Variants in HSPA12A observed in about 807,000 individuals in gnomAD.
HSPA12A encodes heat shock 70 kDa protein 12A.
A neutral mutation model predicts 69.2 loss-of-function variants in HSPA12A; 28 were observed. The ratio of observed to expected loss-of-function variants is 0.40; its 90% CI spans 0.30 to 0.55. The LOEUF is 0.55. Ranked by LOEUF, HSPA12A falls within the 20% of genes least tolerant of loss-of-function variation. The pLI is 0.38. For synonymous variants in HSPA12A, 345 were observed against 370.5 expected (o/e 0.93, Z 0.79); for missense variants, 686 against 900.7 (o/e 0.76, Z 3.05).
At chr10:116,818,968 C>T (rs932907737) in intron 2 of HSPA12A, among the ~76,000 whole-genome samples, 8 of 152,082 alleles carry the variant, frequency 5.3e-5, no homozygotes, top group Admixed American at 5.2e-4. Context: ...CCTTTGCAGC[C>T]CCTGTCACTC....
upstream of HSPA12A, among the ~76,000 whole-genome samples, chr10:116,746,730 TA>T (rs1381078533): frequency 3.3e-5 from 5 of 152,266 alleles, no homozygotes; most frequent in Non-Finnish European, 5.9e-5. Context: ...CATTTCCTTG[TA>T]TATTATAAAT....
At chr10:116,678,713 T>C (rs924855639) in intron 10 of HSPA12A, among the ~76,000 whole-genome samples, 3 of 152,158 alleles carry the variant, frequency 2.0e-5, no homozygotes, top group African/African-American at 7.2e-5. Flanking sequence ...TTGTCTCCTT[T>C]AGAGGTACAT....
At position 116,701,279 on chromosome 10, in the gene HSPA12A, C is replaced by T. The variant is rs1589642012; in HGVS notation, c.255-150G>A. On this transcript the variant is annotated intron_variant, in intron 3 of 11. Transcript: ENST00000369209. ...CAGCTGGATGAGCAGCTACTAGAGACACAACTTCAGTTAAAAAGGAGATGA... is the reference window on the plus strand; with the variant it reads ...CAGCTGGATGAGCAGCTACTAGAGATACAACTTCAGTTAAAAAGGAGATGA... 9 of 686,806 alleles carry T rather than the reference C, an allele frequency of 1.3e-5. No homozygotes were observed. In the East Asian group the frequency reaches 2.4e-4, roughly 19 times the overall value. 42.5% of individuals were successfully genotyped at this position (686,806 alleles called of 1,614,324 possible). A position where few individuals can be genotyped will look rare whatever the true frequency, so the allele number is the denominator to read the frequency against.
intron 2 of HSPA12A, among the ~76,000 whole-genome samples, chr10:116,754,373 G>T (rs574566392): frequency 3.3e-5 from 5 of 152,250 alleles, no homozygotes; most frequent in African/African-American, 1.2e-4. Context: ...TATTTTCTAC[G>T]TTTCCTATTT....
At chr10:116,701,288 A>G (rs1850070893) in intron 3 of HSPA12A, among the ~76,000 whole-genome samples, 159 bp from the exon 4 acceptor site, 1 of 152,244 alleles carries the variant, frequency 6.6e-6, no homozygotes, top group African/African-American at 2.4e-5. Context: ...ACACAACTTC[A>G]GTTAAAAAGG....
chr10:116,677,025 G>A (rs1554877832), intron 10 of HSPA12A, among the ~76,000 whole-genome samples: 1 of 152,164 alleles, frequency 6.6e-6, no homozygotes, highest in African/African-American at 2.4e-5. Context: ...AGTCCTGGAC[G>A]GGAATCCAGG....
At chr10:116,829,097 T>C (rs1845563699) in intron 2 of HSPA12A, 1 of 152,194 alleles carries the variant, frequency 6.6e-6, no homozygotes. Context: ...TGAATTGTAA[T>C]AACCCCCACG....
Position 116,683,841 on chromosome 10 carries a change from G to A in HSPA12A, c.785C>T (p.Ala262Val). The A allele has an allele frequency of 6.3e-7, 1 of 1,594,894 alleles. No homozygotes were observed. Among genetic ancestry groups the A allele is most frequent in the Non-Finnish European group, 8.6e-7 (1 of 1,164,918 alleles). Residue 262 changes from alanine (A) to valine (V), a missense_variant, in exon 7 of 12, where the codon GCC becomes GTC. Coordinates refer to ENST00000369209, the MANE Select transcript of HSPA12A (RefSeq NM_025015.3). ...GTCACTGCCGCTGTACCCATTGACG[G>A]CTGCCTTGCTGCTCAGCTCAATCAT... ...HQMIELSSKA[A>V]VNGYSGSDTV... is the part of the protein sequence containing the mutation.
intron 7 of HSPA12A, 121 bp downstream of exon 7, chr10:116,683,670 T>C: frequency 9.5e-7 from 1 of 1,050,570 alleles, no homozygotes; most frequent in Non-Finnish European, 1.3e-6. Flanking sequence ...GCCCACCTCC[T>C]CCCGGAGTAT....
At chr10:116,734,101 C>A (rs951996423) in intron 1 of HSPA12A, among the ~76,000 whole-genome samples, 1 of 152,072 alleles carries the variant, frequency 6.6e-6, no homozygotes, top group South Asian at 2.1e-4. Flanking sequence ...CTTAGGGGGC[C>A]ATTCTCATCA....
intron 1 of HSPA12A, among the ~76,000 whole-genome samples, chr10:116,847,684 A>T (rs1282463413): frequency 6.6e-6 from 1 of 152,208 alleles, no homozygotes; most frequent in East Asian, 1.9e-4. Flanking sequence ...ACAAATATTT[A>T]CTGAGCAGCT....
At chr10:116,850,152 A>G, upstream of HSPA12A, 1 of 258,782 alleles carries the variant, frequency 3.9e-6, no homozygotes, top group South Asian at 3.9e-5. Flanking sequence ...CAGGATGAAC[A>G]CCTTGGCGTT....
At chr10:116,741,200 C>T (rs1013172618) in intron 1 of HSPA12A, among the ~76,000 whole-genome samples, 1 of 152,124 alleles carries the variant, frequency 6.6e-6, no homozygotes, top group African/African-American at 2.4e-5. Context: ...TGGGGAGGCA[C>T]CTCCCTGATC....
At chr10:116,742,329 T>A in intron 1 of HSPA12A, 101 bp downstream of exon 1, 1 of 1,244,320 alleles carries the variant, frequency 8.0e-7, no homozygotes, top group Non-Finnish European at 1.0e-6. Context: ...GCGTCCCCAC[T>A]TTTCCACGGC....
chr10:116,754,040 C>T (rs563369456), intron 2 of HSPA12A, among the ~76,000 whole-genome samples: 225 of 152,324 alleles, frequency 1.5e-3, no homozygotes, highest in African/African-American at 5.1e-3. Flanking sequence ...AGTAGAGACA[C>T]GGGCCGGGCC....
chr10:116,841,025 T>C (rs1022898295), intron 1 of HSPA12A, among the ~76,000 whole-genome samples: 2 of 152,222 alleles, frequency 1.3e-5, no homozygotes, highest in African/African-American at 4.8e-5. Context: ...GCCGTATCTC[T>C]AGGCACACAC....
chr10:116,707,410 G>A lies in HSPA12A; in HGVS notation c.41-125C>T, dbSNP rs1007144979. 1.2e-5 allele frequency: 9 copies of A among 732,732 alleles called. No homozygotes were observed. In the East Asian group the frequency reaches 1.6e-4, roughly 13 times the overall value. 45.4% of individuals were successfully genotyped at this position (732,732 alleles called of 1,614,324 possible). A position where few individuals can be genotyped will look rare whatever the true frequency, so the allele number is the denominator to read the frequency against. ...CCTCTGCAAAGCCAGCTCACGAAAT[G>A]GGCAAGGCCCAGCCCCAGCCAGGAA... On this transcript the variant is annotated intron_variant, in intron 1 of 11. Coordinates refer to ENST00000369209, the MANE Select transcript of HSPA12A (RefSeq NM_025015.3).
chr10:116,676,837 G>A (rs781934541), intron 10 of HSPA12A, among the ~76,000 whole-genome samples: 2 of 152,172 alleles, frequency 1.3e-5, no homozygotes, highest in Non-Finnish European at 2.9e-5. Context: ...ACAATATTTG[G>A]ATTCAAGCAC....
At chr10:116,818,260 G>A (rs561996172) in intron 2 of HSPA12A, among the ~76,000 whole-genome samples, 70 of 152,358 alleles carry the variant, frequency 4.6e-4, no homozygotes, top group African/African-American at 1.6e-3. Flanking sequence ...GCCTTGGTAG[G>A]TTGTCTCTCT....
Sources: gnomAD v4.1 joint callset for allele counts (sites outside exome capture counted in the v4.1 genomes callset) on GRCh38, gnomAD v4.1.1 for gene constraint, MANE v1.5 for transcripts, NCBI Gene and HGNC (gene_info 2026-07-23, HGNC 2026-07-21) for gene names.